Variants in BABAM2 observed in about 807,000 individuals in gnomAD.
The protein encoded by BABAM2 is BRISC and BRCA1-A complex member 2.
Under a neutral mutation model 54.7 loss-of-function variants are expected in BABAM2, and 31 were observed. The ratio of observed to expected loss-of-function variants is 0.57; its 90% CI spans 0.43 to 0.77. BABAM2 has a LOEUF of 0.77. BABAM2 is among the 30% of genes least tolerant of loss of function. The pLI, the probability that BABAM2 is intolerant of heterozygous loss-of-function variation, is 0.00. For synonymous variants in BABAM2, 167 were observed against 162.9 expected (o/e 1.03, Z -0.19); for missense variants, 364 against 455.8 (o/e 0.80, Z 1.83).
intron 11 of BABAM2, among the ~76,000 whole-genome samples, chr2:28,320,329 C>A (rs2148306361): frequency 6.6e-6 from 1 of 152,310 alleles, no homozygotes; most frequent in Non-Finnish European, 1.5e-5. Context: ...TGCAGAGCAC[C>A]ATGCTAAGGA....
chr2:28,009,335 A>G (rs746469181), intron 4 of BABAM2, among the ~76,000 whole-genome samples: 8 of 152,198 alleles, frequency 5.3e-5, no homozygotes, highest in Non-Finnish European at 1.0e-4. Flanking sequence ...GAAAAGGTTC[A>G]TATACTTGTA....
chr2:28,013,373 C>A (rs1462748708), intron 4 of BABAM2: 2 of 455,690 alleles, frequency 4.4e-6, no homozygotes, highest in Non-Finnish European at 8.8e-6. Flanking sequence ...TACCTAGCAA[C>A]TGGGTGAGGC....
At chr2:27,890,245 C>T (rs774727775), upstream of BABAM2, 16 of 1,612,424 alleles carry the variant, frequency 9.9e-6, no homozygotes, top group East Asian at 2.7e-4. The surrounding 1 kb of genome is among the most constrained non-coding windows in gnomAD (Gnocchi z 4.8). Flanking sequence ...GAGTAACTGG[C>T]CCCGGACTAA....
chr2:28,262,132 G>A (rs910515930), intron 10 of BABAM2, among the ~76,000 whole-genome samples: 7 of 152,142 alleles, frequency 4.6e-5, no homozygotes, highest in Non-Finnish European at 8.8e-5. Flanking sequence ...AGGCACAGAG[G>A]GAAGAAATCT....
chr2:28,031,978 G>T (rs1011919541), intron 5 of BABAM2, among the ~76,000 whole-genome samples: 8 of 152,236 alleles, frequency 5.3e-5, no homozygotes, highest in African/African-American at 1.9e-4. Flanking sequence ...TGAAATAAAT[G>T]GATATTTTTT....
chr2:28,078,270 A>G (rs1664862344), intron 6 of BABAM2, among the ~76,000 whole-genome samples: 1 of 151,876 alleles, frequency 6.6e-6, no homozygotes, highest in Non-Finnish European at 1.5e-5. Flanking sequence ...TGTCTGATAT[A>G]ACCAATATCA....
chr2:27,916,953 T>C (rs1667014381), intron 2 of BABAM2, among the ~76,000 whole-genome samples: 1 of 152,056 alleles, frequency 6.6e-6, no homozygotes, highest in South Asian at 2.1e-4. Context: ...TGTCTTCTGA[T>C]TACAAGTTCT....
chr2:28,269,045 G>A (rs1434695056), intron 10 of BABAM2, among the ~76,000 whole-genome samples: 1 of 152,214 alleles, frequency 6.6e-6, no homozygotes, highest in East Asian at 1.9e-4. Context: ...GCTGAGGCTT[G>A]TAACCAACAG....
At chr2:28,285,410 T>C (rs1055703653) in intron 10 of BABAM2, among the ~76,000 whole-genome samples, 6 of 152,142 alleles carry the variant, frequency 3.9e-5, no homozygotes, top group Non-Finnish European at 5.9e-5. Context: ...CACATTCTAG[T>C]GGGTCAGACA....
chr2:28,327,559 A>C (rs1002115964), intron 11 of BABAM2: 1 of 1,243,740 alleles, frequency 8.0e-7, no homozygotes, highest in East Asian at 2.6e-5. Context: ...CTAAAACGGC[A>C]TTTGATTTAA....
intron 2 of BABAM2, among the ~76,000 whole-genome samples, chr2:27,900,481 A>G (rs915496544): frequency 3.3e-5 from 5 of 152,144 alleles, no homozygotes; most frequent in African/African-American, 1.2e-4. Context: ...TAGACCCATC[A>G]GTATCTTAAG....
chr2:28,176,427 G>A (rs991345057), intron 7 of BABAM2, among the ~76,000 whole-genome samples: 1 of 151,348 alleles, frequency 6.6e-6, no homozygotes, highest in Non-Finnish European at 1.5e-5. Context: ...AAAATTAGCT[G>A]AGCATGGTGG....
At chr2:28,145,204 G>GA (rs1671387697) in intron 7 of BABAM2, among the ~76,000 whole-genome samples, 1 of 152,136 alleles carries the variant, frequency 6.6e-6, no homozygotes, top group Admixed American at 6.5e-5. Context: ...GGAGAAAGAT[G>GA]AAGCACAGAC....
At chr2:28,017,016 A>G (rs1004658626) in intron 4 of BABAM2, among the ~76,000 whole-genome samples, 2 of 152,180 alleles carry the variant, frequency 1.3e-5, no homozygotes, top group Non-Finnish European at 2.9e-5. Context: ...GAATAGTCCC[A>G]AAGTTAGTTT....
intron 10 of BABAM2, among the ~76,000 whole-genome samples, chr2:28,269,130 T>C (rs1685215557): frequency 6.6e-6 from 1 of 152,156 alleles, no homozygotes; most frequent in African/African-American, 2.4e-5. Context: ...AATAAACATA[T>C]CAAATCTCTT....
intron 6 of BABAM2, among the ~76,000 whole-genome samples, chr2:28,080,627 G>A (rs757681331): frequency 1.6e-4 from 25 of 152,312 alleles, no homozygotes; most frequent in Non-Finnish European, 2.9e-4. Flanking sequence ...AGACCAATCT[G>A]TGCCTGTGTT....
intron 10 of BABAM2, among the ~76,000 whole-genome samples, chr2:28,277,159 G>A (rs1685946297): frequency 6.6e-6 from 1 of 152,208 alleles, no homozygotes; most frequent in Non-Finnish European, 1.5e-5. Context: ...AGGCTGGAGT[G>A]CAGTGGGGCG....
chr2:28,070,503 C>T (rs1436862470), intron 6 of BABAM2, among the ~76,000 whole-genome samples: 1 of 152,070 alleles, frequency 6.6e-6, no homozygotes, highest in African/African-American at 2.4e-5. Context: ...TCCTGTCCCC[C>T]AGCTCCAGGT....
At chr2:28,253,040 C>G (rs1683640644) in intron 10 of BABAM2, among the ~76,000 whole-genome samples, 2 of 152,164 alleles carry the variant, frequency 1.3e-5, no homozygotes. Context: ...ATTGGTGAAG[C>G]ATGGGCATTA....
Sources: allele counts gnomAD v4.1 joint callset (sites outside exome capture counted in the v4.1 genomes callset), GRCh38; gene constraint gnomAD v4.1.1; non-coding constraint Gnocchi (gnomAD v3.1); transcripts MANE v1.5; gene names NCBI Gene and HGNC (gene_info 2026-07-23, HGNC 2026-07-21).